Variants in PLEKHG1 observed in about 807,000 individuals in gnomAD.
PLEKHG1 encodes pleckstrin homology and RhoGEF domain containing G1.
A neutral mutation model predicts 100.8 loss-of-function variants in PLEKHG1; 44 were observed. That is an observed-to-expected ratio of 0.44 (90% confidence interval 0.34 to 0.56). PLEKHG1 has a LOEUF of 0.56. Among genes scored for constraint, PLEKHG1 ranks in the 20% least tolerant of loss-of-function variants. The pLI, the probability that PLEKHG1 is intolerant of heterozygous loss-of-function variation, is 0.01. For synonymous variants in PLEKHG1, 640 were observed against 662.5 expected, an observed-to-expected ratio of 0.97 and a Z score of 0.52; for missense variants, 1,545 against 1,720.9, an observed-to-expected ratio of 0.90 and a Z score of 1.81.
rs1361887201 is a variant in PLEKHG1 at position 150,802,278 on chromosome 6, C to T, written c.780+1409C>T. ...TAATTTTTAAATTGATCCGTATGACCTCTTAGATTTAGTGGGATTTATTTG... is the reference window on the plus strand; with the variant it reads ...TAATTTTTAAATTGATCCGTATGACTTCTTAGATTTAGTGGGATTTATTTG... On this transcript the variant is annotated intron_variant, in intron 6 of 15. Transcript: ENST00000358517. Among the ~76,000 whole-genome samples, 6 of 152,196 alleles carry T rather than the reference C, an allele frequency of 3.9e-5. No homozygotes were observed. In the East Asian group the frequency reaches 1.2e-3, roughly 29 times the overall value.
intron 10 of PLEKHG1, among the ~76,000 whole-genome samples, chr6:150,813,326 G>A (rs57988429): frequency 0.029 from 4,270 of 147,394 alleles, 216 homozygotes; most frequent in African/African-American, 0.1. Flanking sequence ...AAAACAAAAT[G>A]GACCAGTCAC....
chr6:150,828,097 A>G (rs1372095985), intron 14 of PLEKHG1: 2 of 1,612,986 alleles, frequency 1.2e-6, no homozygotes, highest in South Asian at 1.1e-5. Context: ...CCTGATGTCA[A>G]ATTTATCAAA....
At chr6:150,645,563 G>A (rs1010195597) in intron 2 of PLEKHG1, among the ~76,000 whole-genome samples, 15 of 152,146 alleles carry the variant, frequency 9.9e-5, no homozygotes, top group African/African-American at 3.6e-4. Flanking sequence ...TTCATAAGCA[G>A]AAGACAATTC....
At chr6:150,818,017 A>C (rs1370297305) in intron 10 of PLEKHG1, among the ~76,000 whole-genome samples, 166 bp from the exon 12 acceptor site, 2 of 152,188 alleles carry the variant, frequency 1.3e-5, no homozygotes, top group Admixed American at 1.3e-4. Flanking sequence ...GAGGGCGCTC[A>C]TCTGCTTGAA....
At chr6:150,729,507 G>A (rs1348172039) in intron 1 of PLEKHG1, among the ~76,000 whole-genome samples, 1 of 152,220 alleles carries the variant, frequency 6.6e-6, no homozygotes, top group Non-Finnish European at 1.5e-5. Context: ...TTTGAGGAAA[G>A]TGAGAACAAG....
chr6:150,837,805 ACTCTTT>A (rs1214623806), intron 15 of PLEKHG1, among the ~76,000 whole-genome samples: 5 of 152,314 alleles, frequency 3.3e-5, no homozygotes, highest in African/African-American at 7.2e-5. Context: ...AGACTTTTAC[ACTCTTT>A]CTCTTAAGAT....
intron 3 of PLEKHG1, among the ~76,000 whole-genome samples, chr6:150,695,429 A>C (rs573674367): frequency 6.6e-6 from 1 of 152,370 alleles, no homozygotes; most frequent in Non-Finnish European, 1.5e-5. Context: ...TCTGTTCTAC[A>C]AACTAGGATC....
At chr6:150,808,243 C>T (rs1292554315) in intron 7 of PLEKHG1, among the ~76,000 whole-genome samples, 1 of 152,000 alleles carries the variant, frequency 6.6e-6, no homozygotes, top group African/African-American at 2.4e-5. Context: ...AGCACTAAAA[C>T]ATAAGTTAGG....
chr6:150,819,016 G>A (rs1156380503), intron 11 of PLEKHG1, among the ~76,000 whole-genome samples: 1 of 151,986 alleles, frequency 6.6e-6, no homozygotes, highest in Non-Finnish European at 1.5e-5. Flanking sequence ...CTCCCATCTC[G>A]CATCCAACAG....
exon 16 of PLEKHG1, chr6:150,840,737 G>A (rs778313477): frequency 4.6e-5 from 75 of 1,613,994 alleles, no homozygotes; most frequent in Admixed American, 1.3e-4. Flanking sequence ...CAAAAAAGCC[G>A]GTTAACAGCA....
intron 3 of PLEKHG1, among the ~76,000 whole-genome samples, chr6:150,698,195 A>G (rs1474924624): frequency 6.6e-6 from 1 of 152,200 alleles, no homozygotes; most frequent in African/African-American, 2.4e-5. Flanking sequence ...CCTGAAGGTA[A>G]TTTTATACAT....
At position 150,788,818 on chromosome 6, in the gene PLEKHG1, T is replaced by C. The variant is rs181933828; in HGVS notation, c.582+2359T>C. Among the ~76,000 whole-genome samples, 28 of 152,296 alleles carry C rather than the reference T, an allele frequency of 1.8e-4. 1 individual carries two copies. The South Asian group carries it at 3.7e-3, about 20-fold the overall frequency. ...CCCTCGTTGTGTGGCTCTCTCTCTGTTGGTGCCTTCTTCCTTTTAGAGCCC... is the reference window on the plus strand; with the variant it reads ...CCCTCGTTGTGTGGCTCTCTCTCTGCTGGTGCCTTCTTCCTTTTAGAGCCC... On this transcript the variant is annotated intron_variant, in intron 4 of 15. Coordinates refer to ENST00000358517, the Ensembl canonical transcript of PLEKHG1.
exon 2 of PLEKHG1, chr6:150,733,972 G>A: frequency 6.2e-7 from 1 of 1,614,152 alleles, no homozygotes; most frequent in East Asian, 2.2e-5. Flanking sequence ...ACTCAAACGG[G>A]GCACCCAAGA....
chr6:150,814,556 C>T (rs145881184), intron 10 of PLEKHG1, among the ~76,000 whole-genome samples: 1,616 of 152,264 alleles, frequency 0.011, 13 homozygotes, highest in Non-Finnish European at 0.015. Context: ...TCTTATTCTT[C>T]CCATTCTAGA....
chr6:150,798,076 C>G (rs779770639), intron 5 of PLEKHG1, among the ~76,000 whole-genome samples: 5 of 152,110 alleles, frequency 3.3e-5, no homozygotes, highest in Non-Finnish European at 7.3e-5. Context: ...GCAATTTTCT[C>G]TCTTAAAGTA....
intron 3 of PLEKHG1, among the ~76,000 whole-genome samples, chr6:150,714,130 G>A (rs1781337115): frequency 6.6e-6 from 1 of 152,232 alleles, no homozygotes; most frequent in African/African-American, 2.4e-5. Context: ...GTGTCTGGAA[G>A]CCTACTGCAT....
At chr6:150,791,625 G>T (rs1785987217) in intron 4 of PLEKHG1, among the ~76,000 whole-genome samples, 2 of 151,104 alleles carry the variant, frequency 1.3e-5, no homozygotes, top group South Asian at 4.2e-4. Flanking sequence ...AGCCAAGATG[G>T]TGCCACTGTA....
intron 3 of PLEKHG1, among the ~76,000 whole-genome samples, chr6:150,779,344 G>GTTTGTTTTTTTGTT (rs1257363893): frequency 9.6e-6 from 1 of 104,536 alleles, no homozygotes; most frequent in African/African-American, 4.3e-5. Context: ...TTGTCAAGAA[G>GTTTGTTTTTTTGTT]TTTTTTTTTT....
At chr6:150,786,765 C>A (rs1401208699) in intron 4 of PLEKHG1, among the ~76,000 whole-genome samples, 1 of 151,992 alleles carries the variant, frequency 6.6e-6, no homozygotes, top group East Asian at 1.9e-4. Context: ...CATGGTGGCT[C>A]ACACCTATAA....
Sources: allele counts gnomAD v4.1 joint callset (sites outside exome capture counted in the v4.1 genomes callset), GRCh38; gene constraint gnomAD v4.1.1; transcripts MANE v1.5; gene names NCBI Gene and HGNC (gene_info 2026-07-23, HGNC 2026-07-21).